GRIA2: variants seen among roughly 807,000 people sequenced by gnomAD.
GRIA2 encodes glutamate ionotropic receptor AMPA type subunit 2.
GRIA2 carries 14 observed loss-of-function variants against 97.3 expected under a neutral mutation model. That is an observed-to-expected ratio of 0.14 (90% CI 0.10 to 0.23). The LOEUF (loss-of-function observed/expected upper bound fraction) is 0.23. Ranked by LOEUF, GRIA2 falls within the 10% of genes least tolerant of loss-of-function variation. The pLI is 1.00. For missense variants in GRIA2, 558 were observed against 1,069.8 expected (o/e 0.52, Z 6.67); for synonymous variants, 412 against 387.8 (o/e 1.06, Z -0.73).
At chr4:157,248,550 TGTGTATATATATATAC>T (rs1416137787) in intron 2 of GRIA2, among the ~76,000 whole-genome samples, 1 of 13,678 alleles carries the variant, frequency 7.3e-5, no homozygotes, top group African/African-American at 3.4e-4. Context: ...TATGTGTGTG[TGTGTATATATATATAC>T]GTGTGTATAT....
In GRIA2 at chr4:157,361,431, T is replaced by G; in HGVS notation, c.2406+307T>G. 2.3e-6 allele frequency: 2 copies of G among 877,128 alleles called. No individual in the cohort carries two copies. The highest frequency in any genetic ancestry group is 3.6e-6 in the Non-Finnish European group (2 of 551,332). 54.3% of individuals were successfully genotyped at this position (877,128 alleles called of 1,614,324 possible). A position where few individuals can be genotyped will look rare whatever the true frequency, so the allele number is the denominator to read the frequency against. On this transcript the variant is annotated intron_variant, in intron 14 of 15. Coordinates refer to ENST00000264426, the MANE Select transcript of GRIA2 (RefSeq NM_001083619.3). This position sits in a 1 kb window ranked among gnomAD's most constrained non-coding sequence, Gnocchi z 5.2. ...AATCTTACCGTTTGCTTAGGCCAAA[T>G]GGCGCATCAATGACTATCGCTCTTA...
chr4:157,289,347 C>A (rs1394035130), intron 2 of GRIA2, among the ~76,000 whole-genome samples: 2 of 151,756 alleles, frequency 1.3e-5, no homozygotes, highest in African/African-American at 4.8e-5. Context: ...TCAGTGCCCC[C>A]AAATGTTACA....
At chr4:157,270,983 A>C (rs2126789270) in intron 2 of GRIA2, among the ~76,000 whole-genome samples, 1 of 151,322 alleles carries the variant, frequency 6.6e-6, no homozygotes, top group African/African-American at 2.4e-5. Context: ...AGTTTGTTTA[A>C]ATCTTTCAAT....
At chr4:157,260,702 A>T (rs552519485) in intron 2 of GRIA2, among the ~76,000 whole-genome samples, 1 of 152,192 alleles carries the variant, frequency 6.6e-6, no homozygotes, top group South Asian at 2.1e-4. Flanking sequence ...TCACTTTGGA[A>T]AAAAAGGGAA....
chr4:157,239,803 T>G (rs1179322485), intron 2 of GRIA2, among the ~76,000 whole-genome samples: 1 of 152,050 alleles, frequency 6.6e-6, no homozygotes, highest in Non-Finnish European at 1.5e-5. Flanking sequence ...CCAAGTACCA[T>G]GCTATGATTA....
At chr4:157,234,990 C>T (rs1579292562) in intron 2 of GRIA2, among the ~76,000 whole-genome samples, 1 of 152,134 alleles carries the variant, frequency 6.6e-6, no homozygotes, top group South Asian at 2.1e-4. Context: ...TCTGAATTGA[C>T]TCTTATTCTT....
intron 3 of GRIA2, among the ~76,000 whole-genome samples, chr4:157,310,356 CT>C (rs1305593877): frequency 1.2e-4 from 18 of 152,068 alleles, no homozygotes; most frequent in Admixed American, 3.9e-4. Context: ...AAAAAGTTAA[CT>C]TTTTTCAGCA....
At chr4:157,353,079 G>A (rs145848200) in intron 12 of GRIA2, among the ~76,000 whole-genome samples, 16 of 152,064 alleles carry the variant, frequency 1.1e-4, no homozygotes, top group African/African-American at 2.4e-4. Flanking sequence ...CAGGCCAGGC[G>A]TGCTAGCTCA....
chr4:157,302,922 A>G (rs1037539436), intron 2 of GRIA2, among the ~76,000 whole-genome samples: 1 of 152,220 alleles, frequency 6.6e-6, no homozygotes, highest in African/African-American at 2.4e-5. Flanking sequence ...TATGTAGTGT[A>G]ACATATAGGG....
intron 3 of GRIA2, among the ~76,000 whole-genome samples, chr4:157,305,047 C>G (rs965999032): frequency 6.6e-6 from 1 of 152,084 alleles, no homozygotes; most frequent in Non-Finnish European, 1.5e-5. Flanking sequence ...AAACTAAAAC[C>G]GAGAATCATT....
At chr4:157,276,915 A>G (rs897187787) in intron 2 of GRIA2, among the ~76,000 whole-genome samples, 1 of 151,980 alleles carries the variant, frequency 6.6e-6, no homozygotes, top group African/African-American at 2.4e-5. Context: ...TTAAGTCAAT[A>G]ATTAATAATT....
chr4:157,338,107 CTG>C (rs1177169509), intron 11 of GRIA2, among the ~76,000 whole-genome samples: 8 of 144,458 alleles, frequency 5.5e-5, no homozygotes, highest in Non-Finnish European at 9.0e-5. Context: ...TTTATCATCT[CTG>C]TATTTAGTTT....
chr4:157,362,934 G>A lies in GRIA2; in HGVS notation c.2542G>A (p.Val848Met), dbSNP rs1225279797. ...KSRAEAKRMK[V>M]AKNAQNINPS... ...AAGGGCCGAGGCGAAACGAATGAAG[G>A]TGGCAAAGAATGCACAGAATATTAA... is the stretch of plus-strand genomic sequence containing the variant. The change falls in exon 15 of 16, where the codon GTG (valine) becomes ATG (methionine). Residue 848 changes from valine (V) to methionine (M), a missense_variant. This residue lies in a region of GRIA2 where 54 missense variants were observed against 82.1 expected (regional missense o/e 0.66). Transcript: ENST00000264426. The A allele has an allele frequency of 1.9e-6, 3 of 1,613,616 alleles. No homozygotes were observed. The South Asian group carries it at 3.3e-5, about 18-fold the overall frequency.
At chr4:157,322,244 T>A (rs13113103) in intron 6 of GRIA2, among the ~76,000 whole-genome samples, 392 of 8,954 alleles carry the variant, frequency 0.044, 1 homozygote, top group East Asian at 0.12. Flanking sequence ...AGAGAGAGAG[T>A]GTGTGTGTGT....
In GRIA2 at chr4:157,321,730, A is replaced by G. The variant is rs1734579862; in HGVS notation, c.882+131A>G. 4 of 587,474 alleles carry G rather than the reference A, an allele frequency of 6.8e-6. No individual in the cohort carries two copies. In the South Asian group the frequency reaches 9.4e-5, roughly 14 times the overall value. The allele number at this position is 587,474 out of a possible 1,614,324, so 36.4% of individuals were successfully genotyped here. On this transcript the variant is annotated intron_variant, in intron 6 of 15. Coordinates refer to ENST00000264426, the MANE Select transcript of GRIA2 (RefSeq NM_001083619.3). ...GTTTCAAAATATGGCAAACATATTG[A>G]CTGCTAAATATATTTTTCACATTTT... is the stretch of plus-strand genomic sequence containing the variant.
At chr4:157,231,684 T>C (rs1730025963) in intron 2 of GRIA2, among the ~76,000 whole-genome samples, 1 of 152,200 alleles carries the variant, frequency 6.6e-6, no homozygotes, top group Admixed American at 6.5e-5. Flanking sequence ...AAGTTGTCTG[T>C]TGCTTGAGGT....
chr4:157,284,662 T>C (rs1732758553), intron 2 of GRIA2, among the ~76,000 whole-genome samples: 1 of 151,712 alleles, frequency 6.6e-6, no homozygotes, highest in South Asian at 2.1e-4. Flanking sequence ...ACTACTCATA[T>C]GGTTTACTCT....
chr4:157,331,491 G>T (rs573436464), intron 6 of GRIA2, among the ~76,000 whole-genome samples: 1 of 151,866 alleles, frequency 6.6e-6, no homozygotes, highest in African/African-American at 2.4e-5. Context: ...AGACATTATT[G>T]TAAGAATTAT....
intron 2 of GRIA2, among the ~76,000 whole-genome samples, chr4:157,242,287 A>T (rs1431611349): frequency 1.3e-5 from 2 of 152,204 alleles, no homozygotes; most frequent in East Asian, 3.9e-4. Context: ...GTGGAAAAAA[A>T]CTATTAAGTA....
Sources: allele counts gnomAD v4.1 joint callset (sites outside exome capture counted in the v4.1 genomes callset), GRCh38; gene constraint gnomAD v4.1.1; regional missense constraint gnomAD v4.1.1; non-coding constraint Gnocchi (gnomAD v3.1); transcripts MANE v1.5; gene names NCBI Gene and HGNC (gene_info 2026-07-23, HGNC 2026-07-21).